INSR: variants seen among roughly 807,000 people sequenced by gnomAD.
INSR encodes IR.
INSR carries 67 observed loss-of-function variants against 142.6 expected under a neutral mutation model. That is an observed-to-expected ratio of 0.47 (90% CI 0.39 to 0.58). The LOEUF is 0.58. Ranked by LOEUF, INSR falls within the 20% of genes least tolerant of loss-of-function variation. The pLI is 0.00. For missense variants in INSR, 1,248 were observed against 1,833.2 expected (o/e 0.68, Z 5.83); for synonymous variants, 756 against 743.1 (o/e 1.02, Z -0.28).
chr19:7,281,064 C>T (rs1001578856), intron 1 of INSR, among the ~76,000 whole-genome samples: 1 of 152,098 alleles, frequency 6.6e-6, no homozygotes, highest in Non-Finnish European at 1.5e-5. Context: ...GTAATCCTAA[C>T]AATATCAAAC....
intron 2 of INSR, among the ~76,000 whole-genome samples, chr19:7,188,703 G>T (rs146252961): frequency 6.6e-6 from 1 of 151,854 alleles, no homozygotes; most frequent in Non-Finnish European, 1.5e-5. Context: ...GGTGAAACCC[G>T]TCTCTACTAA....
chr19:7,241,759 C>T (rs1976351709), intron 2 of INSR, among the ~76,000 whole-genome samples: 1 of 152,028 alleles, frequency 6.6e-6, no homozygotes, highest in Non-Finnish European at 1.5e-5. Flanking sequence ...AGGGATGCTA[C>T]TAAGCTTCCT....
chr19:7,270,531 C>T (rs1328045064), intron 1 of INSR, among the ~76,000 whole-genome samples: 1 of 151,810 alleles, frequency 6.6e-6, no homozygotes, highest in Admixed American at 6.6e-5. Context: ...GTGAGAGGAT[C>T]GATTGAAGCC....
At chr19:7,176,398 C>T (rs1974136285) in intron 3 of INSR, among the ~76,000 whole-genome samples, 4 of 152,170 alleles carry the variant, frequency 2.6e-5, no homozygotes, top group Admixed American at 6.5e-5. Flanking sequence ...GCCAGGAGTT[C>T]GAGACCAGCC....
At chr19:7,220,623 G>C (rs946175314) in intron 2 of INSR, among the ~76,000 whole-genome samples, 1 of 152,070 alleles carries the variant, frequency 6.6e-6, no homozygotes, top group African/African-American at 2.4e-5. Flanking sequence ...GCCAACTCTA[G>C]GTAGGTTCGG....
rs1485837704 is a variant in INSR, at chr19:7,153,334, ACGC to A, written c.2030-410_2030-408del. Among the ~76,000 whole-genome samples, 30 of 84,730 alleles carry A rather than the reference ACGC, an allele frequency of 3.5e-4. No individual in the cohort carries two copies. In the East Asian group the frequency reaches 3.6e-3, roughly 10 times the overall value. The allele number at this position is 84,730 out of a possible 152,430, so 55.6% of individuals were successfully genotyped here. A position where few individuals can be genotyped will look rare whatever the true frequency, so the allele number is the denominator to read the frequency against. On this transcript the variant is annotated intron_variant, in intron 9 of 21. Coordinates refer to ENST00000302850, the MANE Select transcript of INSR (RefSeq NM_000208.4). ...AATCACACACACACCACACACACCC[ACGC>A]CACACACCACAGACCACACACCACA...
Position 7,126,647 on chromosome 19 carries a change from G to T in INSR, c.2950C>A (p.Pro984Thr). The T allele has an allele frequency of 6.4e-7, 1 of 1,564,096 alleles. No individual in the cohort carries two copies. The highest frequency in any genetic ancestry group is 8.7e-7 in the Non-Finnish European group (1 of 1,152,676). The change falls in exon 16 of 22, where the codon CCA (proline) becomes ACA (threonine). Residue 984 changes from proline to threonine, a missense_variant. Coordinates refer to ENST00000302850, the MANE Select transcript of INSR (RefSeq NM_000208.4). ...TAAAGCGGTCCCAGCGGCCCATCTGGCTGCCTGGAGGAGGAAAACGAGGCA... is the reference window on the plus strand; with the variant it reads ...TAAAGCGGTCCCAGCGGCCCATCTGTCTGCCTGGAGGAGGAAAACGAGGCA... ...SIYLFLRKRQ[P>T]DGPLGPLYAS...
At chr19:7,146,759 T>C (rs1253568462) in intron 11 of INSR, among the ~76,000 whole-genome samples, 1 of 152,222 alleles carries the variant, frequency 6.6e-6, no homozygotes, top group Non-Finnish European at 1.5e-5. Context: ...AACCACTTAA[T>C]TTTTCTGCTT....
At chr19:7,211,930 G>A (rs929806537) in intron 2 of INSR, among the ~76,000 whole-genome samples, 25 of 152,270 alleles carry the variant, frequency 1.6e-4, no homozygotes, top group African/African-American at 5.3e-4. Flanking sequence ...TGGTAATGCC[G>A]GGGCCGTTTC....
chr19:7,226,134 G>A (rs751408661), intron 2 of INSR, among the ~76,000 whole-genome samples: 63 of 152,210 alleles, frequency 4.1e-4, no homozygotes, highest in Non-Finnish European at 3.5e-4. Context: ...TCGGCCTAGT[G>A]TGGTGCCTCA....
intron 3 of INSR, among the ~76,000 whole-genome samples, chr19:7,182,908 C>CAAAA (rs386388474): frequency 3.9e-4 from 32 of 81,248 alleles, no homozygotes; most frequent in East Asian, 3.8e-3. Context: ...ATACACTGGC[C>CAAAA]AAAAAAAAAA....
At chr19:7,152,451 A>C (rs1006850717) in intron 10 of INSR, 2 of 496,518 alleles carry the variant, frequency 4.0e-6, no homozygotes, top group Non-Finnish European at 7.3e-6. Context: ...TTTGGAACTC[A>C]CGTGGAGACC....
At chr19:7,164,431 C>T (rs2144933917) in intron 8 of INSR, among the ~76,000 whole-genome samples, 1 of 152,092 alleles carries the variant, frequency 6.6e-6, no homozygotes, top group East Asian at 1.9e-4. Flanking sequence ...TGCCTGTAAT[C>T]CCAGCACTTT....
rs564189043 is a variant in INSR at position 7,206,551 on chromosome 19, G to A, written c.653-21914C>T. 1.3e-3 allele frequency among the ~76,000 whole-genome samples: 201 copies of A among 152,274 alleles called. 1 individual carries two copies. The highest frequency in any genetic ancestry group is 4.5e-3 in the African/African-American group (185 of 41,558). ...AGCAGCATTAGATTCTCCTAGGAGCGTGAACCCTATTGTGAACTGTGCATG... is the reference window on the plus strand; with the variant it reads ...AGCAGCATTAGATTCTCCTAGGAGCATGAACCCTATTGTGAACTGTGCATG... On this transcript the variant is annotated intron_variant, in intron 2 of 21. Transcript: ENST00000302850.
At chr19:7,239,294 G>GC (rs58664893) in intron 2 of INSR, among the ~76,000 whole-genome samples, 40,989 of 116,876 alleles carry the variant, frequency 0.35, 6,220 homozygotes, top group Admixed American at 0.39. Context: ...AAAAGGCCCA[G>GC]CCCCCCCACC....
intron 2 of INSR, among the ~76,000 whole-genome samples, chr19:7,260,152 T>G (rs59669940): frequency 0.013 from 1,990 of 152,282 alleles, 37 homozygotes; most frequent in African/African-American, 0.045. Context: ...TACGTGATAT[T>G]TAATGTGGTA....
At chr19:7,210,872 G>A (rs895347288) in intron 2 of INSR, among the ~76,000 whole-genome samples, 1 of 151,992 alleles carries the variant, frequency 6.6e-6, no homozygotes, top group Non-Finnish European at 1.5e-5. Flanking sequence ...TGGGATTACA[G>A]CCACCCACCA....
chr19:7,174,388 A>G (rs972542792), intron 4 of INSR, among the ~76,000 whole-genome samples, 195 bp downstream of exon 4: 2 of 152,182 alleles, frequency 1.3e-5, no homozygotes, highest in Non-Finnish European at 2.9e-5. Flanking sequence ...TAGTAAGGCC[A>G]AGACTGAGCT....
At chr19:7,195,384 T>C (rs1234977655) in intron 2 of INSR, among the ~76,000 whole-genome samples, 5 of 152,152 alleles carry the variant, frequency 3.3e-5, no homozygotes, top group Non-Finnish European at 7.3e-5. Context: ...GGCTAACACG[T>C]GTAATCCCAG....
Sources: gnomAD v4.1 joint callset for allele counts (sites outside exome capture counted in the v4.1 genomes callset) on GRCh38, gnomAD v4.1.1 for gene constraint, MANE v1.5 for transcripts, NCBI Gene and HGNC (gene_info 2026-07-23, HGNC 2026-07-21) for gene names.